RGS9: variants seen among roughly 807,000 people sequenced by gnomAD.
RGS9 encodes regulator of G protein signaling 9, also known as regulator of G-protein signalling 9.
A neutral mutation model predicts 102.0 loss-of-function variants in RGS9; 78 were observed. That is an observed-to-expected ratio of 0.76 (90% CI 0.64 to 0.92). RGS9 has a LOEUF of 0.92. Ranked by LOEUF, RGS9 falls within the 40% of genes least tolerant of loss-of-function variation. RGS9 has a pLI of 0.00. For missense variants in RGS9, 833 were observed against 866.1 expected (o/e 0.96, Z 0.48); for synonymous variants, 353 against 318.6 (o/e 1.11, Z -1.15).
chr17:65,197,804 G>T (rs1912655775), intron 13 of RGS9, among the ~76,000 whole-genome samples: 1 of 151,896 alleles, frequency 6.6e-6, no homozygotes, highest in Non-Finnish European at 1.5e-5. Flanking sequence ...CAAGTAGCTG[G>T]CGTTACAGGT....
Position 65,173,672 on chromosome 17 carries a change from G to A in RGS9, c.583-4060G>A, listed in dbSNP as rs1045266388. ...AAGTGCCTGCTGCCTCCTTATCTGC[G>A]GGCCACACACCGCAGGATGCATCGG... is the stretch of plus-strand genomic sequence containing the variant. On this transcript the variant is annotated intron_variant, in intron 8 of 18. Transcript: ENST00000262406. The surrounding 1 kb of genome is among the most constrained non-coding windows in gnomAD (Gnocchi z 4.8). Among the ~76,000 whole-genome samples the A allele has an allele frequency of 8.5e-5, 13 of 152,218 alleles. No individual in the cohort carries two copies. The highest frequency in any genetic ancestry group is 2.1e-4 in the South Asian group (1 of 4,828).
intron 9 of RGS9, among the ~76,000 whole-genome samples, chr17:65,188,302 T>C (rs1437694198): frequency 6.6e-6 from 1 of 152,152 alleles, no homozygotes; most frequent in Non-Finnish European, 1.5e-5. Flanking sequence ...ACTCAAAAAG[T>C]TGAGAGGGGA....
At position 65,225,436 on chromosome 17, in the gene RGS9, G is replaced by C; in HGVS notation, c.1842G>C (p.Leu614=). 1 of 1,608,126 alleles carries C rather than the reference G, an allele frequency of 6.2e-7. No homozygotes were observed. Among genetic ancestry groups the C allele is most frequent in the African/African-American group, 1.3e-5 (1 of 75,064 alleles). ...TGTCCCACGGGAGGGTGCAGCCCCT[G>C]GGGGACGTGGGCCAGCAGCTGCCAC... The part of the protein sequence containing the change: ...PAVSHGRVQP[L]GDVGQQLPRL... Residue 614 remains leucine (L), a synonymous_variant, in exon 18 of 19, where the codon CTG becomes CTC. Transcript: ENST00000262406.
At chr17:65,224,351 C>T (rs1905519190) in intron 17 of RGS9, among the ~76,000 whole-genome samples, 1 of 150,294 alleles carries the variant, frequency 6.7e-6, no homozygotes, top group Non-Finnish European at 1.5e-5. Context: ...TTCCTGTTTC[C>T]TTCTCCCCAG....
At chr17:65,171,902 C>T (rs1214843790) in intron 8 of RGS9, among the ~76,000 whole-genome samples, 1 of 152,224 alleles carries the variant, frequency 6.6e-6, no homozygotes, top group Non-Finnish European at 1.5e-5. Context: ...TTCCCTGCAT[C>T]TTTGCTGTGC....
intron 8 of RGS9, among the ~76,000 whole-genome samples, chr17:65,170,078 G>A (rs1003179343): frequency 5.1e-5 from 7 of 136,208 alleles, no homozygotes; most frequent in Admixed American, 7.6e-5. Flanking sequence ...TTTCTGAGAT[G>A]GAGCCTTGCT....
In RGS9 at chr17:65,205,398, T is replaced by C. The variant is rs1438869018; in HGVS notation, c.1203+1097T>C. Among the ~76,000 whole-genome samples the C allele has an allele frequency of 5.9e-5, 9 of 151,830 alleles. No homozygotes were observed. In the East Asian group the frequency reaches 1.9e-3, roughly 31 times the overall value. On this transcript the variant is annotated intron_variant, in intron 15 of 18. Coordinates refer to ENST00000262406, the MANE Select transcript of RGS9 (RefSeq NM_003835.4). ...ATGTGATATAGGTTATGGATATTGGTTATGTGATACAGGTTATGTGATATA... is the reference window on the plus strand; with the variant it reads ...ATGTGATATAGGTTATGGATATTGGCTATGTGATACAGGTTATGTGATATA...
At chr17:65,204,415 C>A in intron 15 of RGS9, 114 bp downstream of exon 15, 1 of 1,312,984 alleles carries the variant, frequency 7.6e-7, no homozygotes, top group South Asian at 1.3e-5. Flanking sequence ...AGAGCTTTGC[C>A]GGTTGTGGCA....
At chr17:65,160,102 C>A in intron 3 of RGS9, 131 bp from the exon 4 acceptor site, 1 of 783,962 alleles carries the variant, frequency 1.3e-6, no homozygotes, top group Non-Finnish European at 2.3e-6. Flanking sequence ...AACCAGTGTC[C>A]TCACTGCTCA....
chr17:65,168,984 C>T (rs1179680827), intron 8 of RGS9, among the ~76,000 whole-genome samples: 2 of 152,154 alleles, frequency 1.3e-5, no homozygotes, highest in African/African-American at 4.8e-5. Flanking sequence ...TGTACAGCTC[C>T]CTGTGCTGCC....
At chr17:65,161,969 A>C (rs1312923576) in intron 6 of RGS9, among the ~76,000 whole-genome samples, 1 of 151,056 alleles carries the variant, frequency 6.6e-6, no homozygotes, top group African/African-American at 2.4e-5. Context: ...AAGTGCTGGG[A>C]TTACAGGCGT....
chr17:65,156,715 G>C (rs184242381), intron 2 of RGS9, among the ~76,000 whole-genome samples: 15 of 152,310 alleles, frequency 9.8e-5, no homozygotes, highest in Admixed American at 9.1e-4. Context: ...CGGCTCCTCG[G>C]TGGAGAGAGC....
chr17:65,198,899 A>G (rs1912704886), intron 13 of RGS9, among the ~76,000 whole-genome samples: 1 of 152,160 alleles, frequency 6.6e-6, no homozygotes, highest in Admixed American at 6.5e-5. Context: ...CTAGAACAAA[A>G]CCCAGAAAAG....
chr17:65,204,962 C>T (rs1213790440), intron 15 of RGS9, among the ~76,000 whole-genome samples: 1 of 152,032 alleles, frequency 6.6e-6, no homozygotes, highest in East Asian at 1.9e-4. Flanking sequence ...GATGGCAATT[C>T]TCACCACCCT....
At chr17:65,164,700 A>G (rs1487191179) in intron 7 of RGS9, among the ~76,000 whole-genome samples, 1 of 152,220 alleles carries the variant, frequency 6.6e-6, no homozygotes, top group Non-Finnish European at 1.5e-5. Context: ...CTTAGGGTTT[A>G]GAATCAGGTA....
At chr17:65,208,704 T>C (rs1199785716) in intron 16 of RGS9, among the ~76,000 whole-genome samples, 2 of 152,200 alleles carry the variant, frequency 1.3e-5, no homozygotes, top group African/African-American at 4.8e-5. Flanking sequence ...GTTTTTCCAC[T>C]GGCAATCGTG....
At chr17:65,150,186 C>T (rs1314308572) in intron 1 of RGS9, among the ~76,000 whole-genome samples, 1 of 152,162 alleles carries the variant, frequency 6.6e-6, no homozygotes, top group African/African-American at 2.4e-5. Context: ...AGCCCTGGGC[C>T]AGGTGAAGGC....
At chr17:65,222,950 G>A (rs1027511922) in intron 17 of RGS9, among the ~76,000 whole-genome samples, 15 of 152,146 alleles carry the variant, frequency 9.9e-5, no homozygotes, top group East Asian at 5.8e-4. Context: ...CGATGACTGC[G>A]CCGACTCCGA....
chr17:65,213,705 C>T (rs1260312787), intron 17 of RGS9, among the ~76,000 whole-genome samples: 1 of 152,144 alleles, frequency 6.6e-6, no homozygotes, highest in Non-Finnish European at 1.5e-5. Context: ...CTCTCATTCT[C>T]CCACAGGCTA....
Sources: gnomAD v4.1 joint callset for allele counts (sites outside exome capture counted in the v4.1 genomes callset) on GRCh38, gnomAD v4.1.1 for gene constraint, Gnocchi (gnomAD v3.1) non-coding constraint, MANE v1.5 for transcripts, NCBI Gene and HGNC (gene_info 2026-07-23, HGNC 2026-07-21) for gene names.